Variants in LRMDA observed in about 807,000 individuals in gnomAD.
LRMDA encodes the protein leucine rich melanocyte differentiation associated.
In LRMDA, 18 loss-of-function variants were observed where a neutral mutation model predicts 29.8. The observed-to-expected ratio is 0.60, with a 90% CI of 0.42 to 0.90. The LOEUF is 0.90. LRMDA is among the 40% of genes least tolerant of loss of function. LRMDA has a pLI of 0.00. For missense variants in LRMDA, 273 were observed against 273.9 expected (o/e 1.00, Z 0.02); for synonymous variants, 125 against 109.4 (o/e 1.14, Z -0.89).
chr10:75,448,182 A>C (rs1244512550), intron 2 of LRMDA, among the ~76,000 whole-genome samples: 1 of 152,182 alleles, frequency 6.6e-6, no homozygotes, highest in Non-Finnish European at 1.5e-5. Flanking sequence ...GCTTTCATAA[A>C]CATTGTCTCC....
At chr10:75,466,725 T>C (rs1332948634) in intron 2 of LRMDA, among the ~76,000 whole-genome samples, 1 of 152,138 alleles carries the variant, frequency 6.6e-6, no homozygotes, top group Non-Finnish European at 1.5e-5. Flanking sequence ...CTGATCCCTT[T>C]GGACCAAGTC....
chr10:76,260,427 C>T (rs1372010816), intron 5 of LRMDA, among the ~76,000 whole-genome samples: 1 of 152,072 alleles, frequency 6.6e-6, no homozygotes, highest in African/African-American at 2.4e-5. Context: ...TTTATTTCTT[C>T]TTAATTTCTA....
chr10:76,275,716 T>C (rs769179017), intron 5 of LRMDA, among the ~76,000 whole-genome samples: 1 of 152,278 alleles, frequency 6.6e-6, no homozygotes, highest in Middle Eastern at 3.4e-3. Context: ...TGTTTCATCC[T>C]ATTTGTAGTT....
At chr10:76,517,325 GAGA>G (rs1564564509) in intron 6 of LRMDA, among the ~76,000 whole-genome samples, 2 of 152,076 alleles carry the variant, frequency 1.3e-5, no homozygotes, top group African/African-American at 4.8e-5. Context: ...CAAAAACAAA[GAGA>G]AGATTTTATG....
intron 2 of LRMDA, among the ~76,000 whole-genome samples, chr10:75,952,018 T>G (rs1846583890): frequency 6.6e-6 from 1 of 152,118 alleles, no homozygotes; most frequent in East Asian, 1.9e-4. Context: ...TCTAATGACT[T>G]TTAAATAGCT....
intron 2 of LRMDA, among the ~76,000 whole-genome samples, chr10:75,677,382 A>G (rs1564537560): frequency 1.1e-5 from 1 of 91,446 alleles, no homozygotes; most frequent in Non-Finnish European, 3.4e-5. Flanking sequence ...ATGTAGCTGC[A>G]GATATCCCAG....
At chr10:75,591,039 G>A (rs1453892595) in intron 2 of LRMDA, among the ~76,000 whole-genome samples, 1 of 152,052 alleles carries the variant, frequency 6.6e-6, no homozygotes, top group Non-Finnish European at 1.5e-5. Context: ...ACCGCGCCAG[G>A]TCAGCAGTCA....
At chr10:76,263,827 T>G (rs1441071694) in intron 5 of LRMDA, among the ~76,000 whole-genome samples, 3 of 152,208 alleles carry the variant, frequency 2.0e-5, no homozygotes, top group Non-Finnish European at 4.4e-5. Flanking sequence ...CCTCCTATGT[T>G]ACAGTGGCAA....
intron 2 of LRMDA, among the ~76,000 whole-genome samples, chr10:75,955,445 G>A (rs1846648316): frequency 1.3e-5 from 2 of 152,172 alleles, no homozygotes; most frequent in Non-Finnish European, 2.9e-5. Context: ...GACCATGAGT[G>A]GTTGGGGTAG....
intron 2 of LRMDA, among the ~76,000 whole-genome samples, chr10:75,719,903 CCTGGATGTTTT>C (rs1455719857): frequency 6.6e-6 from 1 of 152,076 alleles, no homozygotes; most frequent in Non-Finnish European, 1.5e-5. Flanking sequence ...GGGGATGTTC[CCTGGATGTTTT>C]AATGTTGGAT....
intron 2 of LRMDA, among the ~76,000 whole-genome samples, chr10:75,686,400 A>T (rs544303591): frequency 1.3e-5 from 2 of 152,268 alleles, no homozygotes; most frequent in East Asian, 3.9e-4. Context: ...ACTAAGAAAG[A>T]GCACCATATT....
intron 5 of LRMDA, among the ~76,000 whole-genome samples, chr10:76,200,087 A>C (rs1459189587): frequency 6.6e-6 from 1 of 151,916 alleles, no homozygotes; most frequent in East Asian, 1.9e-4. Flanking sequence ...TCAGCCTCCC[A>C]AGTAGCTGGG....
intron 2 of LRMDA, among the ~76,000 whole-genome samples, chr10:75,462,171 A>G (rs997773681): frequency 2.6e-5 from 4 of 152,258 alleles, no homozygotes; most frequent in Non-Finnish European, 5.9e-5. Flanking sequence ...ATGGCCTGTC[A>G]GGGGTGTCAG....
chr10:76,357,160 G>T (rs376463701), intron 6 of LRMDA, among the ~76,000 whole-genome samples: 1 of 152,176 alleles, frequency 6.6e-6, no homozygotes. Context: ...TGAGGTGGGG[G>T]TGCGATCAGG....
At chr10:76,114,194 A>G (rs1042178164) in intron 5 of LRMDA, among the ~76,000 whole-genome samples, 1 of 152,234 alleles carries the variant, frequency 6.6e-6, no homozygotes, top group African/African-American at 2.4e-5. Context: ...GACTAGCAAT[A>G]GGCATTGTTA....
At chr10:75,684,120 T>C (rs1048839580) in intron 2 of LRMDA, among the ~76,000 whole-genome samples, 6 of 152,192 alleles carry the variant, frequency 3.9e-5, no homozygotes, top group African/African-American at 1.4e-4. Context: ...TGGGTAAAGA[T>C]AAATTAAAAC....
At chr10:76,449,473 T>G (rs1294221965) in intron 6 of LRMDA, among the ~76,000 whole-genome samples, 1 of 151,968 alleles carries the variant, frequency 6.6e-6, no homozygotes, top group African/African-American at 2.4e-5. Flanking sequence ...TCTCGTATAC[T>G]ATTGTTTCAA....
chr10:76,287,188 C>T (rs1263241306), intron 5 of LRMDA, among the ~76,000 whole-genome samples: 1 of 125,046 alleles, frequency 8.0e-6, no homozygotes, highest in Non-Finnish European at 1.8e-5. Flanking sequence ...GGTGGTGAAT[C>T]TGGTTGTGGC....
chr10:75,891,153 G>A (rs1845483484), intron 2 of LRMDA, among the ~76,000 whole-genome samples: 1 of 150,450 alleles, frequency 6.6e-6, no homozygotes, highest in African/African-American at 2.4e-5. Flanking sequence ...GCCATATTGT[G>A]TTGTGTAGCG....
Sources: allele counts gnomAD v4.1 joint callset (sites outside exome capture counted in the v4.1 genomes callset), GRCh38; gene constraint gnomAD v4.1.1; transcripts MANE v1.5; gene names NCBI Gene and HGNC (gene_info 2026-07-23, HGNC 2026-07-21).